ANGPT1: variants seen among roughly 807,000 people sequenced by gnomAD.
The protein encoded by ANGPT1 is angiopoietin 1.
ANGPT1 carries 17 observed loss-of-function variants against 62.2 expected under a neutral mutation model. The ratio of observed to expected loss-of-function variants is 0.27; its 90% CI spans 0.19 to 0.41. The LOEUF is 0.41. Among genes scored for constraint, ANGPT1 ranks in the 10% least tolerant of loss-of-function variants. ANGPT1 has a pLI of 1.00. For missense variants in ANGPT1, 478 were observed against 594.9 expected, an observed-to-expected ratio of 0.80 and a Z score of 2.04; for synonymous variants, 199 against 198.9, an observed-to-expected ratio of 1.00 and a Z score of 0.00.
At chr8:107,481,532 C>CAAAAAAAAAAAAAAAAAAAAAA (rs71562147) in intron 1 of ANGPT1, among the ~76,000 whole-genome samples, 6 of 64,312 alleles carry the variant, frequency 9.3e-5, no homozygotes, top group South Asian at 7.4e-4. Flanking sequence ...GACTCTGTCT[C>CAAAAAAAAAAAAAAAAAAAAAA]AAAAAAAAAA....
At chr8:107,285,310 T>C (rs1181726041) in intron 6 of ANGPT1, among the ~76,000 whole-genome samples, 1 of 152,166 alleles carries the variant, frequency 6.6e-6, no homozygotes, top group East Asian at 1.9e-4. Context: ...GTTTCAACAA[T>C]AACTTCATAT....
intron 1 of ANGPT1, among the ~76,000 whole-genome samples, chr8:107,481,684 G>T (rs994739110): frequency 6.6e-5 from 10 of 152,100 alleles, no homozygotes; most frequent in Non-Finnish European, 8.8e-5. Context: ...CCCAGTGTCT[G>T]GGGGGAGGCC....
intron 6 of ANGPT1, among the ~76,000 whole-genome samples, chr8:107,293,674 G>A (rs189654886): frequency 4.7e-4 from 71 of 152,202 alleles, no homozygotes; most frequent in African/African-American, 1.6e-3. Context: ...CCACCCTCAT[G>A]CAACTAGGAA....
At chr8:107,335,051 C>G (rs1365647520) in intron 3 of ANGPT1, among the ~76,000 whole-genome samples, 1 of 152,188 alleles carries the variant, frequency 6.6e-6, no homozygotes, top group Non-Finnish European at 1.5e-5. Flanking sequence ...TTATGCTCTA[C>G]TTTTAGCATG....
At chr8:107,488,273 T>C (rs17374554) in intron 1 of ANGPT1, among the ~76,000 whole-genome samples, 3,202 of 152,300 alleles carry the variant, frequency 0.021, 92 homozygotes, top group Admixed American at 0.093. Flanking sequence ...AATGTTTCTT[T>C]GTGCCCACCA....
At chr8:107,382,365 C>A (rs1422104575) in intron 1 of ANGPT1, among the ~76,000 whole-genome samples, 1 of 151,848 alleles carries the variant, frequency 6.6e-6, no homozygotes, top group African/African-American at 2.4e-5. Context: ...GCAGAGTATC[C>A]AAGTCGAGCT....
intron 3 of ANGPT1, among the ~76,000 whole-genome samples, chr8:107,333,920 G>GAGAAAGAAAGAAAGAAAGAAAGAAAGAA (rs139390488): frequency 1.4e-5 from 2 of 138,052 alleles, no homozygotes; most frequent in African/African-American, 5.4e-5. Flanking sequence ...AAGAAATAAA[G>GAGAAAGAAAGAAAGAAAGAAAGAAAGAA]AGAAAGAAAG....
chr8:107,335,561 T>C (rs144205232), intron 3 of ANGPT1, among the ~76,000 whole-genome samples: 43 of 152,288 alleles, frequency 2.8e-4, no homozygotes, highest in African/African-American at 9.9e-4. Context: ...TAAAACAAGA[T>C]GGTGTGATGA....
Position 107,336,071 on chromosome 8 carries a change from T to C in ANGPT1, c.575+79A>G, listed in dbSNP as rs569005117. The C allele has an allele frequency of 1.5e-4, 199 of 1,367,298 alleles. 2 individuals are homozygous for C. The South Asian group carries it at 3.5e-3, about 24-fold the overall frequency. The allele number at this position is 1,367,298 out of a possible 1,614,324, so 84.7% of individuals were successfully genotyped here. On this transcript the variant is annotated intron_variant, in intron 3 of 8. Transcript: ENST00000517746. The stretch of plus-strand genomic sequence containing the variant: ...ATTTTTGTAAACCACCTCAACCTTA[T>C]TTGTTTAAGAGTTGGCAGAGAGGTG...
intron 1 of ANGPT1, among the ~76,000 whole-genome samples, chr8:107,367,934 G>A (rs1394211631): frequency 6.6e-6 from 1 of 152,160 alleles, no homozygotes; most frequent in Non-Finnish European, 1.5e-5. Context: ...TCATCCATGA[G>A]GGTTGGCATC....
At chr8:107,407,438 C>G (rs1309327736) in intron 1 of ANGPT1, among the ~76,000 whole-genome samples, 1 of 152,148 alleles carries the variant, frequency 6.6e-6, no homozygotes, top group East Asian at 1.9e-4. Context: ...TCATCATTGA[C>G]ATGGCTTCAT....
intron 1 of ANGPT1, among the ~76,000 whole-genome samples, chr8:107,381,780 G>A (rs547218905): frequency 1.3e-5 from 2 of 152,182 alleles, no homozygotes; most frequent in Non-Finnish European, 2.9e-5. Context: ...GACAGGAATT[G>A]GAGATGGAAA....
chr8:107,478,007 C>T (rs1026707946), intron 1 of ANGPT1, among the ~76,000 whole-genome samples: 3 of 148,598 alleles, frequency 2.0e-5, no homozygotes, highest in Non-Finnish European at 3.0e-5. Flanking sequence ...AAAGCTGCTT[C>T]GGTAGTAAAA....
chr8:107,376,271 T>C (rs1816528821), intron 1 of ANGPT1, among the ~76,000 whole-genome samples: 1 of 152,160 alleles, frequency 6.6e-6, no homozygotes, highest in Non-Finnish European at 1.5e-5. Context: ...TTGCTCGCCA[T>C]GTGGTTGAAA....
In ANGPT1 at chr8:107,463,933, T is replaced by G. The variant is rs181406691; in HGVS notation, c.297+33329A>C. Among the ~76,000 whole-genome samples the G allele has an allele frequency of 3.9e-5, 6 of 152,278 alleles. No individual in the cohort carries two copies. In the East Asian group the frequency reaches 1.2e-3, roughly 29 times the overall value. On this transcript the variant is annotated intron_variant, in intron 1 of 8. Coordinates refer to ENST00000517746, the MANE Select transcript of ANGPT1 (RefSeq NM_001146.5). Reference sequence around the variant, plus strand: ...CTATAAAATCCAGACTGTTTAAAGATGAAGATAAAGTTAGAATAATTATAA... The same window carrying G: ...CTATAAAATCCAGACTGTTTAAAGAGGAAGATAAAGTTAGAATAATTATAA...
chr8:107,279,271 C>G (rs1256086007), intron 7 of ANGPT1, among the ~76,000 whole-genome samples: 1 of 151,948 alleles, frequency 6.6e-6, no homozygotes, highest in Non-Finnish European at 1.5e-5. Flanking sequence ...AAAGGTAGTT[C>G]TATTGTAGAA....
At position 107,347,174 on chromosome 8, in the gene ANGPT1, CAA is replaced by C. The variant is rs534512941; in HGVS notation, c.298-79_298-78del. On this transcript the variant is annotated intron_variant, in intron 1 of 8. Transcript: ENST00000517746. ...TTCGGGCATGTAATATTTACAATAA[CAA>C]AACAAGACACCGCTGGCAAATCAGC... 7.0e-6 allele frequency: 10 copies of C among 1,422,208 alleles called. No homozygotes were observed. In the East Asian group the frequency reaches 2.3e-4, roughly 33 times the overall value. 88.1% of individuals were successfully genotyped at this position (1,422,208 alleles called of 1,614,324 possible).
chr8:107,460,080 C>T (rs969395497), intron 1 of ANGPT1, among the ~76,000 whole-genome samples: 2 of 152,180 alleles, frequency 1.3e-5, no homozygotes, highest in Non-Finnish European at 2.9e-5. Flanking sequence ...GTTATGCTTC[C>T]ATTCCAGGGA....
intron 1 of ANGPT1, among the ~76,000 whole-genome samples, chr8:107,439,091 G>A: frequency 6.6e-6 from 1 of 151,986 alleles, no homozygotes; most frequent in East Asian, 1.9e-4. Flanking sequence ...TTGCTTATGA[G>A]AAAAAAAGAA....
Sources: allele counts gnomAD v4.1 joint callset (sites outside exome capture counted in the v4.1 genomes callset), GRCh38; gene constraint gnomAD v4.1.1; transcripts MANE v1.5; gene names NCBI Gene and HGNC (gene_info 2026-07-23, HGNC 2026-07-21).